NALF1: variants seen among roughly 807,000 people sequenced by gnomAD.
NALF1 encodes the protein NALCN channel auxiliary factor 1.
NALF1 carries 3 observed loss-of-function variants against 48.4 expected under a neutral mutation model. That is an observed-to-expected ratio of 0.06 (90% confidence interval 0.03 to 0.16). The LOEUF (loss-of-function observed/expected upper bound fraction) is 0.16. Among genes scored for constraint, NALF1 ranks in the 10% least tolerant of loss-of-function variants. The pLI is 1.00. For missense variants in NALF1, 526 were observed against 571.5 expected (o/e 0.92, Z 0.81); for synonymous variants, 262 against 245.7 (o/e 1.07, Z -0.62).
At chr13:107,501,671 T>C (rs957297340) in intron 1 of NALF1, among the ~76,000 whole-genome samples, 7 of 152,140 alleles carry the variant, frequency 4.6e-5, no homozygotes, top group African/African-American at 1.4e-4. Context: ...TGTGTATGGT[T>C]TAAGAAGGCT....
At chr13:107,198,617 C>T (rs1879442929) in intron 2 of NALF1, among the ~76,000 whole-genome samples, 1 of 152,184 alleles carries the variant, frequency 6.6e-6, no homozygotes, top group Admixed American at 6.5e-5. Context: ...CTGTTTTACT[C>T]CAAAACTTAA....
chr13:107,380,839 G>C (rs1379451709), intron 1 of NALF1, among the ~76,000 whole-genome samples: 3 of 151,062 alleles, frequency 2.0e-5, no homozygotes, highest in Non-Finnish European at 3.0e-5. Context: ...TTAGCCGGGC[G>C]TAGTGGCGGG....
intron 1 of NALF1, among the ~76,000 whole-genome samples, chr13:107,423,870 A>C (rs1397984545): frequency 6.6e-6 from 1 of 152,202 alleles, no homozygotes; most frequent in African/African-American, 2.4e-5. Flanking sequence ...AAAGCTTTAG[A>C]ATAATTCGCC....
intron 1 of NALF1, among the ~76,000 whole-genome samples, chr13:107,519,803 G>C (rs1876177100): frequency 6.6e-6 from 1 of 152,116 alleles, no homozygotes; most frequent in African/African-American, 2.4e-5. Context: ...TTAGCAAGTA[G>C]AGAGAAAAGA....
In NALF1 at chr13:107,279,045, T is replaced by TC. The variant is rs1286350453; in HGVS notation, c.916-68291_916-68290insG. 1.2e-3 allele frequency among the ~76,000 whole-genome samples: 158 copies of TC among 133,394 alleles called. 1 individual carries two copies. In the East Asian group the frequency reaches 0.036, roughly 30 times the overall value. The allele number at this position is 133,394 out of a possible 152,430, so 87.5% of individuals were successfully genotyped here. A position where few individuals can be genotyped will look rare whatever the true frequency, so the allele number is the denominator to read the frequency against. The stretch of plus-strand genomic sequence containing the variant: ...CTTTCCTTTTCTTTTCTTTTCTTCT[T>TC]TTTTTTTTTTTTTTTTGCACAAATT... On this transcript the variant is annotated intron_variant, in intron 1 of 2. Transcript: ENST00000375915.
At chr13:107,710,422 G>A (rs1386910705) in intron 1 of NALF1, among the ~76,000 whole-genome samples, 2 of 152,080 alleles carry the variant, frequency 1.3e-5, no homozygotes, top group African/African-American at 2.4e-5. Context: ...GCGTTAGTTC[G>A]TTTTCACACT....
intron 1 of NALF1, among the ~76,000 whole-genome samples, chr13:107,676,903 A>G (rs1881144069): frequency 6.6e-6 from 1 of 152,336 alleles, no homozygotes; most frequent in South Asian, 2.1e-4. Context: ...TAAAATACCA[A>G]AAGAATTCTG....
chr13:107,284,926 G>GTTA (rs1213643852), intron 1 of NALF1, among the ~76,000 whole-genome samples: 3 of 151,394 alleles, frequency 2.0e-5, no homozygotes, highest in African/African-American at 7.3e-5. Flanking sequence ...TTAAATGATA[G>GTTA]ATTGACTTGA....
At chr13:107,304,282 A>G (rs145253868) in intron 1 of NALF1, among the ~76,000 whole-genome samples, 63 of 152,318 alleles carry the variant, frequency 4.1e-4, no homozygotes, top group African/African-American at 1.5e-3. Context: ...TCCTGGAAAT[A>G]AAAATTGGAA....
At chr13:107,683,137 C>A (rs1881345905) in intron 1 of NALF1, among the ~76,000 whole-genome samples, 1 of 152,062 alleles carries the variant, frequency 6.6e-6, no homozygotes, top group South Asian at 2.1e-4. Context: ...GTAGAGTGCA[C>A]CTGTGGTCCT....
intron 1 of NALF1, among the ~76,000 whole-genome samples, chr13:107,252,927 TAGA>T (rs1225980727): frequency 6.6e-5 from 10 of 152,192 alleles, no homozygotes; most frequent in African/African-American, 1.9e-4. Context: ...TAATATCACT[TAGA>T]AGAATATTAT....
At chr13:107,584,075 ATACTT>A (rs1394617016) in intron 1 of NALF1, among the ~76,000 whole-genome samples, 1 of 152,146 alleles carries the variant, frequency 6.6e-6, no homozygotes, top group Non-Finnish European at 1.5e-5. Context: ...TATAGAATCT[ATACTT>A]TAAATTTATG....
At chr13:107,861,834 A>AT (rs566694154) in intron 1 of NALF1, among the ~76,000 whole-genome samples, 72 of 142,964 alleles carry the variant, frequency 5.0e-4, no homozygotes, top group South Asian at 1.6e-3. Flanking sequence ...TAAGAAATGC[A>AT]TTTTTTTTTC....
At chr13:107,808,990 A>G (rs9559163) in intron 1 of NALF1, among the ~76,000 whole-genome samples, 1 of 151,888 alleles carries the variant, frequency 6.6e-6, no homozygotes, top group African/African-American at 2.4e-5. Flanking sequence ...TTGTTTTCTG[A>G]AATCATAAAC....
In NALF1 at chr13:107,362,798, C is replaced by G. The variant is rs1229018458; in HGVS notation, c.916-152043G>C. On this transcript the variant is annotated intron_variant, in intron 1 of 2. Transcript: ENST00000375915. This position sits in a 1 kb window ranked among gnomAD's most constrained non-coding sequence, Gnocchi z 4.6. ...TTCCCATAGGTGAGCATGTACCTGT[C>G]TGAGTGGGCACACATATGGAGCAAC... Among the ~76,000 whole-genome samples the G allele has an allele frequency of 6.6e-6, 1 of 152,146 alleles. No homozygotes were observed. The highest frequency in any genetic ancestry group is 2.4e-5 in the African/African-American group (1 of 41,428).
At chr13:107,304,884 A>T (rs1343761473) in intron 1 of NALF1, among the ~76,000 whole-genome samples, 1 of 152,258 alleles carries the variant, frequency 6.6e-6, no homozygotes, top group African/African-American at 2.4e-5. Flanking sequence ...TTAAGTAATT[A>T]TGAACACAGG....
At chr13:107,216,004 A>C (rs1369403330) in intron 1 of NALF1, among the ~76,000 whole-genome samples, 1 of 152,236 alleles carries the variant, frequency 6.6e-6, no homozygotes, top group Non-Finnish European at 1.5e-5. Context: ...ATCACAAAGA[A>C]AAATGTCAGA....
intron 1 of NALF1, among the ~76,000 whole-genome samples, chr13:107,639,053 A>G (rs1466255932): frequency 6.6e-6 from 1 of 152,328 alleles, no homozygotes; most frequent in East Asian, 1.9e-4. Context: ...CTGATGGATT[A>G]CAGTACATCC....
intron 1 of NALF1, among the ~76,000 whole-genome samples, chr13:107,823,412 G>A (rs72657274): frequency 0.054 from 8,251 of 152,132 alleles, 502 homozygotes; most frequent in East Asian, 0.3. Context: ...TGTTCTCCGT[G>A]CAAAATCATG....
Sources: gnomAD v4.1 joint callset for allele counts (sites outside exome capture counted in the v4.1 genomes callset) on GRCh38, gnomAD v4.1.1 for gene constraint, Gnocchi (gnomAD v3.1) non-coding constraint, MANE v1.5 for transcripts, NCBI Gene and HGNC (gene_info 2026-07-23, HGNC 2026-07-21) for gene names.